CDH20: variants seen among roughly 807,000 people sequenced by gnomAD.
CDH20 encodes cadherin 20.
A neutral mutation model predicts 74.2 loss-of-function variants in CDH20; 29 were observed. That is an observed-to-expected ratio of 0.39 (90% CI 0.29 to 0.53). The LOEUF is 0.53. Ranked by LOEUF, CDH20 falls within the 20% of genes least tolerant of loss-of-function variation. The pLI is 0.69. For missense variants in CDH20, 988 were observed against 1,048.3 expected, an observed-to-expected ratio of 0.94 and a Z score of 0.79; for synonymous variants, 469 against 405.4, an observed-to-expected ratio of 1.16 and a Z score of -1.88.
intron 1 of CDH20, among the ~76,000 whole-genome samples, chr18:61,445,306 CAA>C (rs543705965): frequency 6.6e-6 from 1 of 151,726 alleles, no homozygotes; most frequent in Non-Finnish European, 1.5e-5. Context: ...TCCATTTACA[CAA>C]AAAAAATCCA....
intron 6 of CDH20, among the ~76,000 whole-genome samples, chr18:61,522,103 T>C (rs1351713797): frequency 6.6e-6 from 1 of 152,170 alleles, no homozygotes; most frequent in Non-Finnish European, 1.5e-5. Context: ...AAAGGGTATT[T>C]GAATTGGAAA....
chr18:61,514,796 C>T (rs929609107), intron 6 of CDH20, among the ~76,000 whole-genome samples: 23 of 152,158 alleles, frequency 1.5e-4, no homozygotes, highest in African/African-American at 5.1e-4. Flanking sequence ...GGGGGTGCCT[C>T]CCAGTTAGGC....
intron 1 of CDH20, among the ~76,000 whole-genome samples, chr18:61,449,075 TAAG>T (rs1049801146): frequency 1.1e-4 from 16 of 152,192 alleles, no homozygotes; most frequent in African/African-American, 3.6e-4. Context: ...CCAAAAAAGT[TAAG>T]AAGACCATAT....
At chr18:61,471,820 A>G (rs1599108244) in intron 1 of CDH20, among the ~76,000 whole-genome samples, 1 of 152,288 alleles carries the variant, frequency 6.6e-6, no homozygotes, top group East Asian at 1.9e-4. Context: ...TATTTAATTA[A>G]CAATAATTTG....
chr18:61,440,494 C>T (rs1375826030), intron 1 of CDH20, among the ~76,000 whole-genome samples: 1 of 152,142 alleles, frequency 6.6e-6, no homozygotes, highest in African/African-American at 2.4e-5. Flanking sequence ...TTATCTATTG[C>T]CACAATAATA....
intron 11 of CDH20, among the ~76,000 whole-genome samples, chr18:61,551,322 A>G (rs974042702): frequency 3.9e-5 from 6 of 152,216 alleles, no homozygotes; most frequent in African/African-American, 1.2e-4. Flanking sequence ...TATTCAATAC[A>G]AAAGAAGTCC....
intron 1 of CDH20, among the ~76,000 whole-genome samples, chr18:61,420,400 G>A (rs1297173889): frequency 6.8e-5 from 10 of 146,238 alleles, no homozygotes; most frequent in Non-Finnish European, 1.3e-4. Context: ...AGTGACCTCC[G>A]TGGGCCGGGC....
At chr18:61,520,765 A>C (rs746175419) in intron 6 of CDH20, among the ~76,000 whole-genome samples, 1 of 151,296 alleles carries the variant, frequency 6.6e-6, no homozygotes, top group African/African-American at 2.5e-5. Context: ...ATCAAATTAG[A>C]ACTCAGGATT....
intron 1 of CDH20, among the ~76,000 whole-genome samples, chr18:61,365,462 T>C (rs1473803803): frequency 7.2e-5 from 11 of 152,192 alleles, no homozygotes; most frequent in Admixed American, 7.2e-4. Flanking sequence ...CACTTTTTTT[T>C]TCCAGATGCC....
Position 61,554,734 on chromosome 18 carries a change from T to C in CDH20, c.*39T>C, listed in dbSNP as rs1913572045. The C allele has an allele frequency of 6.7e-7, 1 of 1,499,670 alleles. No homozygotes were observed. The highest frequency in any genetic ancestry group is 1.4e-5 in the African/African-American group (1 of 72,866). 92.9% of individuals were successfully genotyped at this position (1,499,670 alleles called of 1,614,324 possible). Reference sequence around the variant, plus strand: ...GCAGGCGCGCGTCCAAATCCAGACGTTCTCCGCGGGTGCTTCGCGGACAAG... The same window carrying C: ...GCAGGCGCGCGTCCAAATCCAGACGCTCTCCGCGGGTGCTTCGCGGACAAG... On this transcript the variant is annotated 3_prime_UTR_variant, in exon 12 of 12. Coordinates refer to ENST00000262717, the MANE Select transcript of CDH20 (RefSeq NM_031891.4).
At chr18:61,475,932 T>C (rs1910365059) in intron 1 of CDH20, among the ~76,000 whole-genome samples, 1 of 152,208 alleles carries the variant, frequency 6.6e-6, no homozygotes, top group African/African-American at 2.4e-5. Context: ...CCCTTCTAAA[T>C]GCAAGAACTT....
intron 1 of CDH20, among the ~76,000 whole-genome samples, chr18:61,456,958 C>T (rs1364551390): frequency 2.6e-5 from 4 of 152,092 alleles, no homozygotes; most frequent in Admixed American, 2.6e-4. Flanking sequence ...ACCTTTATGA[C>T]CTAAGTACCT....
chr18:61,526,590 G>A (rs1202564731), intron 6 of CDH20, among the ~76,000 whole-genome samples: 1 of 151,986 alleles, frequency 6.6e-6, no homozygotes, highest in Non-Finnish European at 1.5e-5. Context: ...TGAAATACTT[G>A]TTGCTTAAAA....
At chr18:61,541,747 C>T (rs557017778) in intron 9 of CDH20, among the ~76,000 whole-genome samples, 1 of 152,180 alleles carries the variant, frequency 6.6e-6, no homozygotes, top group Non-Finnish European at 1.5e-5. Flanking sequence ...GGATACTGTC[C>T]TCAGCTTCAC....
At chr18:61,393,906 C>T (rs1442901790) in intron 1 of CDH20, among the ~76,000 whole-genome samples, 1 of 152,128 alleles carries the variant, frequency 6.6e-6, no homozygotes, top group East Asian at 1.9e-4. Context: ...CTTAACATTT[C>T]TAGAACTAAG....
intron 1 of CDH20, among the ~76,000 whole-genome samples, chr18:61,415,337 T>C (rs1912647197): frequency 6.6e-6 from 1 of 152,166 alleles, no homozygotes; most frequent in Non-Finnish European, 1.5e-5. Context: ...ATTTAACATT[T>C]CATAAGAAGT....
chr18:61,358,475 T>C (rs62098064), intron 1 of CDH20, among the ~76,000 whole-genome samples: 1 of 152,126 alleles, frequency 6.6e-6, no homozygotes, highest in Non-Finnish European at 1.5e-5. Context: ...TTATTGTTTT[T>C]CTTTATGTGC....
intron 1 of CDH20, among the ~76,000 whole-genome samples, chr18:61,424,862 C>A (rs1193333881): frequency 6.6e-6 from 1 of 152,120 alleles, no homozygotes; most frequent in Non-Finnish European, 1.5e-5. Flanking sequence ...GGCCACAAAC[C>A]ATTTGGGGAA....
chr18:61,475,944 C>T lies in CDH20; in HGVS notation c.-152-14458C>T, dbSNP rs190655641. On this transcript the variant is annotated intron_variant, in intron 1 of 11. Transcript: ENST00000262717. ...ACCCCCTTCTAAATGCAAGAACTTG[C>T]CTTTTCATCCTTGAGGGGGATTGGC... Among the ~76,000 whole-genome samples the T allele has an allele frequency of 3.1e-3, 468 of 152,240 alleles. 5 individuals carry two copies. Among genetic ancestry groups the T allele is most frequent in the African/African-American group, 0.011 (454 of 41,524 alleles).
Sources: allele counts gnomAD v4.1 joint callset (sites outside exome capture counted in the v4.1 genomes callset), GRCh38; gene constraint gnomAD v4.1.1; transcripts MANE v1.5; gene names NCBI Gene and HGNC (gene_info 2026-07-23, HGNC 2026-07-21).